Variants in RAI1 observed in about 807,000 individuals in gnomAD.
RAI1 encodes retinoic acid-induced protein 1.
Under a neutral mutation model 123.8 loss-of-function variants are expected in RAI1, and 9 were observed. The ratio of observed to expected loss-of-function variants is 0.07; its 90% confidence interval spans 0.04 to 0.13. The LOEUF (loss-of-function observed/expected upper bound fraction) is 0.13, where lower values mean the gene tolerates loss of function less well. RAI1 is among the 10% of genes least tolerant of loss of function. The pLI is 1.00. For missense variants in RAI1, 2,256 were observed against 2,545.8 expected, an observed-to-expected ratio of 0.89 and a Z score of 2.45; for synonymous variants, 1,231 against 1,127.3, an observed-to-expected ratio of 1.09 and a Z score of -1.84.
At chr17:17,706,113 C>G (rs1915386913) in intron 1 of RAI1, among the ~76,000 whole-genome samples, 1 of 151,698 alleles carries the variant, frequency 6.6e-6, no homozygotes, top group Non-Finnish European at 1.5e-5. Flanking sequence ...CACAGGCCAG[C>G]AGGGAGCTAT....
At chr17:17,739,942 G>T in intron 2 of RAI1, among the ~76,000 whole-genome samples, 1 of 152,234 alleles carries the variant, frequency 6.6e-6, no homozygotes, top group East Asian at 1.9e-4. Flanking sequence ...TACAGCCGCT[G>T]AGCTAACATG....
In RAI1 at chr17:17,793,492, C is replaced by T. The variant is rs886363368; in HGVS notation, c.544C>T (p.Pro182Ser). 1.2e-6 allele frequency: 2 copies of T among 1,613,890 alleles called. No individual in the cohort carries two copies. The highest frequency in any genetic ancestry group is 2.2e-5 in the East Asian group (1 of 44,900). The change falls in exon 3 of 6, where the codon CCC becomes TCC. Residue 182 changes from proline to serine, a missense_variant. Coordinates refer to ENST00000353383, the MANE Select transcript of RAI1 (RefSeq NM_030665.4). ...HVQQPPPPQQ[P>S]LAYPKLQRQK... ...CCAGCAGCCACCGCCGCCCCAGCAG[C>T]CCCTGGCATACCCCAAGCTCCAAAG...
At position 17,810,017 on chromosome 17, in the gene RAI1, C is replaced by A. The variant is rs2032697477; in HGVS notation, c.*36C>A. On this transcript the variant is annotated 3_prime_UTR_variant, in exon 6 of 6. Coordinates refer to ENST00000353383, the MANE Select transcript of RAI1 (RefSeq NM_030665.4). This position sits in a 1 kb window ranked among gnomAD's most constrained non-coding sequence, Gnocchi z 4.6. ...CAACGGCCGGAGGAGCCGCCGGAGC[C>A]CGCCTGCCCGCCCGCCGCCGAAGGA... The A allele has an allele frequency of 9.7e-6, 15 of 1,543,626 alleles. No individual in the cohort carries two copies. Among genetic ancestry groups the A allele is most frequent in the Non-Finnish European group, 1.2e-5 (14 of 1,144,818 alleles).
Position 17,810,735 on chromosome 17 carries a change from C to T in RAI1, c.*754C>T, listed in dbSNP as rs1323329552. On this transcript the variant is annotated 3_prime_UTR_variant, in exon 6 of 6. Transcript: ENST00000353383. This position sits in a 1 kb window ranked among gnomAD's most constrained non-coding sequence, Gnocchi z 4.6. ...GGCCTCTGTTTGTCCCCTTTCCAGT[C>T]CTCCACCCCACCCCTGGAGCCCAGC... The T allele has an allele frequency of 4.5e-6, 2 of 443,324 alleles. No individual in the cohort carries two copies. The highest frequency in any genetic ancestry group is 1.6e-5 in the South Asian group (1 of 63,418). 27.5% of individuals were successfully genotyped at this position (443,324 alleles called of 1,614,324 possible). A position where few individuals can be genotyped will look rare whatever the true frequency, so the allele number is the denominator to read the frequency against.
At chr17:17,686,334 G>T (rs968330614) in intron 1 of RAI1, among the ~76,000 whole-genome samples, 6 of 151,966 alleles carry the variant, frequency 3.9e-5, no homozygotes, top group African/African-American at 1.5e-4. Flanking sequence ...GGGGGGCAGG[G>T]GGAGGTGGCG....
intron 2 of RAI1, among the ~76,000 whole-genome samples, chr17:17,740,330 C>G (rs1916582072): frequency 6.6e-6 from 1 of 152,184 alleles, no homozygotes. Context: ...CCTTAGGTCC[C>G]AGGGGCTGGT....
At chr17:17,785,115 C>T (rs545613013) in intron 2 of RAI1, among the ~76,000 whole-genome samples, 4 of 152,266 alleles carry the variant, frequency 2.6e-5, no homozygotes, top group South Asian at 2.1e-4. Flanking sequence ...TGTGTGTCTC[C>T]GGCACCCAGC....
intron 2 of RAI1, among the ~76,000 whole-genome samples, chr17:17,755,758 A>G (rs2142990399): frequency 6.6e-6 from 1 of 152,228 alleles, no homozygotes; most frequent in East Asian, 1.9e-4. Context: ...GGGCTCTCTG[A>G]CAAAGCCCAG....
Position 17,795,883 on chromosome 17 carries a change from C to G in RAI1, c.2935C>G (p.Pro979Ala). 1 of 1,612,310 alleles carries G rather than the reference C, an allele frequency of 6.2e-7. No individual in the cohort carries two copies. Among genetic ancestry groups the G allele is most frequent in the South Asian group, 1.1e-5 (1 of 91,086 alleles). ...DASLAQKPNK[P>A]AVPEAPIAKK... Reference sequence around the variant, plus strand: ...CTCTCTGGCCCAGAAGCCCAACAAGCCTGCTGTGCCCGAGGCGCCCATCGC... The same window carrying G: ...CTCTCTGGCCCAGAAGCCCAACAAGGCTGCTGTGCCCGAGGCGCCCATCGC... The change falls in exon 3 of 6, where the codon CCT (proline) becomes GCT (alanine). Residue 979 changes from proline to alanine, a missense_variant. By Grantham distance (27) the Pro-to-Ala change is conservative. Transcript: ENST00000353383. This position sits in a 1 kb window ranked among gnomAD's most constrained non-coding sequence, Gnocchi z 5.9.
chr17:17,737,433 C>T (rs1337584466), intron 2 of RAI1, among the ~76,000 whole-genome samples: 5 of 152,140 alleles, frequency 3.3e-5, no homozygotes, highest in Non-Finnish European at 2.9e-5. Flanking sequence ...TGGCCCAAAA[C>T]CCTGGCCTGT....
chr17:17,716,760 G>A (rs530811438), intron 1 of RAI1, among the ~76,000 whole-genome samples: 133 of 152,178 alleles, frequency 8.7e-4, no homozygotes, highest in African/African-American at 3.2e-3. Context: ...GGGCAGGATG[G>A]AGGGGCCTCC....
At chr17:17,713,820 G>T (rs1255981275) in intron 1 of RAI1, among the ~76,000 whole-genome samples, 1 of 152,180 alleles carries the variant, frequency 6.6e-6, no homozygotes, top group Non-Finnish European at 1.5e-5. Context: ...GGCCAGAGAT[G>T]GGGGATCCAC....
At chr17:17,779,868 G>C (rs1181560167) in intron 2 of RAI1, among the ~76,000 whole-genome samples, 2 of 142,346 alleles carry the variant, frequency 1.4e-5, no homozygotes, top group East Asian at 4.5e-4. Context: ...TCCGCCCCCC[G>C]GGGTTCACGC....
At chr17:17,742,111 C>G (rs1916655039) in intron 2 of RAI1, among the ~76,000 whole-genome samples, 1 of 152,234 alleles carries the variant, frequency 6.6e-6, no homozygotes, top group African/African-American at 2.4e-5. Flanking sequence ...CCTGCCGGCT[C>G]TGGGGTGGGA....
chr17:17,770,253 T>C (rs1280626781), intron 2 of RAI1, among the ~76,000 whole-genome samples: 2 of 151,188 alleles, frequency 1.3e-5, no homozygotes, highest in Non-Finnish European at 3.0e-5. Context: ...TGGCTGAGCC[T>C]CAAGGACAAA....
intron 2 of RAI1, among the ~76,000 whole-genome samples, chr17:17,783,185 G>GACCGGGGACCGGGGGACCGGGGC (rs1320327458): frequency 4.6e-5 from 7 of 152,180 alleles, no homozygotes; most frequent in African/African-American, 1.7e-4. Flanking sequence ...CGCCTGCAGC[G>GACCGGGGACCGGGGGACCGGGGC]ACCGGGGACC....
At chr17:17,717,400 C>G (rs1009268448) in intron 1 of RAI1, among the ~76,000 whole-genome samples, 1 of 151,936 alleles carries the variant, frequency 6.6e-6, no homozygotes, top group Admixed American at 6.5e-5. Context: ...TGTGTGGCTT[C>G]ATTGTAGCCA....
intron 2 of RAI1, among the ~76,000 whole-genome samples, chr17:17,752,547 C>T (rs2030243429): frequency 6.6e-6 from 1 of 152,208 alleles, no homozygotes; most frequent in South Asian, 2.1e-4. Flanking sequence ...AAGGACGCCT[C>T]CAGACCCGGG....
At chr17:17,808,207 G>A (rs1458666784) in intron 4 of RAI1, among the ~76,000 whole-genome samples, 1 of 152,094 alleles carries the variant, frequency 6.6e-6, no homozygotes, top group African/African-American at 2.4e-5. Flanking sequence ...TTCTCCCTAG[G>A]TGGCAGTAGG....
Sources: gnomAD v4.1 joint callset for allele counts (sites outside exome capture counted in the v4.1 genomes callset) on GRCh38, gnomAD v4.1.1 for gene constraint, Gnocchi (gnomAD v3.1) non-coding constraint, MANE v1.5 for transcripts, NCBI Gene and HGNC (gene_info 2026-07-23, HGNC 2026-07-21) for gene names.